Variants in IL17RA observed in about 807,000 individuals in gnomAD.
The protein encoded by IL17RA is interleukin 17 receptor A.
Under a neutral mutation model 50.4 loss-of-function variants are expected in IL17RA, and 34 were observed. That is an observed-to-expected ratio of 0.67 (90% confidence interval 0.51 to 0.90). The LOEUF is 0.90. Ranked by LOEUF, IL17RA falls within the 40% of genes least tolerant of loss-of-function variation. The pLI, the probability that IL17RA is intolerant of heterozygous loss-of-function variation, is 0.00. For synonymous variants in IL17RA, 585 were observed against 510.4 expected, an observed-to-expected ratio of 1.15 and a Z score of -1.97; for missense variants, 1,276 against 1,169.8, an observed-to-expected ratio of 1.09 and a Z score of -1.32.
Position 17,107,861 on chromosome 22 carries a change from T to A in IL17RA, c.1087+93T>A. The stretch of plus-strand genomic sequence containing the variant: ...CGTGGGTCGCCTCCTGTGCTCTAAC[T>A]CCCAAGTCCCTTCAGGAGACCCCAC... On this transcript the variant is annotated intron_variant, in intron 12 of 12. Coordinates refer to ENST00000319363, the MANE Select transcript of IL17RA (RefSeq NM_014339.7). 6 of 1,119,368 alleles carry A rather than the reference T, an allele frequency of 5.4e-6. No individual in the cohort carries two copies. In the South Asian group the frequency reaches 7.4e-5, roughly 14 times the overall value. The allele number at this position is 1,119,368 out of a possible 1,614,324, so 69.3% of individuals were successfully genotyped here.
rs1308169717 is a variant in IL17RA at position 17,111,615 on chromosome 22, T to C, written c.*1795T>C. ...AACACATTGAGGTGCCGTCTGACACTGGAATAGGGTGCCCTTCATTCCTAT... is the reference window on the plus strand; with the variant it reads ...AACACATTGAGGTGCCGTCTGACACCGGAATAGGGTGCCCTTCATTCCTAT... On this transcript the variant is annotated 3_prime_UTR_variant, in exon 13 of 13. Coordinates refer to ENST00000319363, the MANE Select transcript of IL17RA (RefSeq NM_014339.7). 6.6e-6 allele frequency: 1 copy of C among 152,182 alleles called. No homozygotes were observed. Among genetic ancestry groups the C allele is most frequent in the Non-Finnish European group, 1.5e-5 (1 of 68,020 alleles). 9.4% of individuals were successfully genotyped at this position (152,182 alleles called of 1,614,324 possible).
chr22:17,102,417 C>G (rs546133354), intron 7 of IL17RA, 115 bp downstream of exon 7: 4 of 1,124,970 alleles, frequency 3.6e-6, no homozygotes, highest in Non-Finnish European at 4.0e-6. Context: ...CGACTCAGGG[C>G]TGTGCTTAGT....
At chr22:17,100,685 C>T (rs1424431031) in intron 5 of IL17RA, among the ~76,000 whole-genome samples, 1 of 152,250 alleles carries the variant, frequency 6.6e-6, no homozygotes, top group Non-Finnish European at 1.5e-5. Context: ...AGGCCATTCT[C>T]TGTTGGCACA....
At position 17,111,095 on chromosome 22, in the gene IL17RA, C is replaced by T. The variant is rs1307430159; in HGVS notation, c.*1275C>T. On this transcript the variant is annotated 3_prime_UTR_variant, in exon 13 of 13. Transcript: ENST00000319363. ...ATCGGGGTGGGGGGTGGGGGGATGT[C>T]GCCAGAGCTCAGGGGTGGGGACAGC... The T allele has an allele frequency of 3.4e-5, 5 of 148,344 alleles. No homozygotes were observed. The highest frequency in any genetic ancestry group is 2.0e-4 in the East Asian group (1 of 4,998). 9.2% of individuals were successfully genotyped at this position (148,344 alleles called of 1,614,324 possible).
rs1424925225 is a variant in IL17RA at position 17,102,154 on chromosome 22, C to T, written c.614C>T (p.Pro205Leu). ...ACCTTGGCAGGCAGCCTGTGGGACCCCAACATCACCGTGGAGACCCTGGAG... is the reference window on the plus strand; with the variant it reads ...ACCTTGGCAGGCAGCCTGTGGGACCTCAACATCACCGTGGAGACCCTGGAG... ...PCMSSGSLWD[P>L]NITVETLEAH... Residue 205 changes from proline to leucine, a missense_variant, in exon 7 of 13, where the codon CCC (proline) becomes CTC (leucine). Coordinates refer to ENST00000319363, the MANE Select transcript of IL17RA (RefSeq NM_014339.7). 2.5e-6 allele frequency: 4 copies of T among 1,614,064 alleles called. No individual in the cohort carries two copies. Among genetic ancestry groups the T allele is most frequent in the African/African-American group, 2.7e-5 (2 of 74,928 alleles).
chr22:17,085,696 G>A (rs1416146594), intron 1 of IL17RA, among the ~76,000 whole-genome samples: 1 of 152,176 alleles, frequency 6.6e-6, no homozygotes, highest in African/African-American at 2.4e-5. Flanking sequence ...TCGGCCCTCG[G>A]GAGGCCCATC....
intron 1 of IL17RA, among the ~76,000 whole-genome samples, chr22:17,094,691 C>CTCTCTCTCTCTCTATATATA (rs1448096911): frequency 4.0e-5 from 1 of 24,698 alleles, no homozygotes; most frequent in Non-Finnish European, 6.7e-5. Context: ...CTCTCTCTCT[C>CTCTCTCTCTCTCTATATATA]TATATATATA....
At chr22:17,086,652 T>A (rs1417916233) in intron 1 of IL17RA, among the ~76,000 whole-genome samples, 1 of 152,170 alleles carries the variant, frequency 6.6e-6, no homozygotes, top group Non-Finnish European at 1.5e-5. Flanking sequence ...GGCTTGAAGT[T>A]AGGGAACTGT....
chr22:17,111,671 C>T lies in IL17RA; in HGVS notation c.*1851C>T, dbSNP rs1253193015. 1 of 152,116 alleles carries T rather than the reference C, an allele frequency of 6.6e-6. No individual in the cohort carries two copies. The highest frequency in any genetic ancestry group is 6.6e-5 in the Admixed American group (1 of 15,266). The allele number at this position is 152,116 out of a possible 1,614,324, so 9.4% of individuals were successfully genotyped here. ...AGTCCTTAACTATATTTCCAACCTC[C>T]AGTGAGGAGGAGAAGATTCGGAAAT... On this transcript the variant is annotated 3_prime_UTR_variant, in exon 13 of 13. Coordinates refer to ENST00000319363, the MANE Select transcript of IL17RA (RefSeq NM_014339.7).
intron 1 of IL17RA, among the ~76,000 whole-genome samples, chr22:17,096,642 A>G (rs1453536174): frequency 6.6e-6 from 1 of 152,118 alleles, no homozygotes; most frequent in African/African-American, 2.4e-5. Context: ...AGGCCGAGGC[A>G]GGCGGATCAC....
intron 1 of IL17RA, among the ~76,000 whole-genome samples, chr22:17,092,052 T>C (rs1373719282): frequency 6.6e-6 from 1 of 152,086 alleles, no homozygotes; most frequent in Non-Finnish European, 1.5e-5. Flanking sequence ...GGCTGGGACG[T>C]TTAGCCCCAC....
At position 17,109,681 on chromosome 22, in the gene IL17RA, C is replaced by G; in HGVS notation, c.2462C>G (p.Pro821Arg). 1 of 1,590,996 alleles carries G rather than the reference C, an allele frequency of 6.3e-7. No individual in the cohort carries two copies. Among genetic ancestry groups the G allele is most frequent in the Non-Finnish European group, 8.5e-7 (1 of 1,170,042 alleles). The stretch of plus-strand genomic sequence containing the variant: ...GAAGAGGAGGAAGAGGAGCAGGACC[C>G]AGGGAAGCCGGCCCTGCCACTCTCT... ...MEEEEEEEQDPGKPALPLSPE... is the reference protein window; with the variant it reads ...MEEEEEEEQDRGKPALPLSPE... Residue 821 changes from proline (P) to arginine (R), a missense_variant, in exon 13 of 13, where the codon CCA becomes CGA. Coordinates refer to ENST00000319363, the MANE Select transcript of IL17RA (RefSeq NM_014339.7).
At chr22:17,090,035 T>TTC (rs1305211108) in intron 1 of IL17RA, among the ~76,000 whole-genome samples, 2 of 152,220 alleles carry the variant, frequency 1.3e-5, no homozygotes, top group East Asian at 3.8e-4. Context: ...AATTTTTTTT[T>TTC]TCTTAGAGAC....
chr22:17,104,748 G>A lies in IL17RA; in HGVS notation c.869G>A (p.Cys290Tyr). 1 of 1,614,112 alleles carries A rather than the reference G, an allele frequency of 6.2e-7. No homozygotes were observed. Among genetic ancestry groups the A allele is most frequent in the Non-Finnish European group, 8.5e-7 (1 of 1,179,968 alleles). Residue 290 changes from cysteine to tyrosine, a missense_variant, in exon 9 of 13, where the codon TGC becomes TAC. Physicochemically the swap from Cys to Tyr is radical, Grantham distance 194. Transcript: ENST00000319363. ...CAGATCCAGCCCTTCTTCAGCAGCT[G>A]CCTCAATGACTGCCTCAGACACTCC... ...QVQIQPFFSS[C>Y]LNDCLRHSAT...
chr22:17,094,004 G>A (rs1358642531), intron 1 of IL17RA: 1 of 63,310 alleles, frequency 1.6e-5, no homozygotes, highest in African/African-American at 3.9e-5. Context: ...ATTTTATTTA[G>A]ACAGAGTCTC....
intron 4 of IL17RA, 144 bp from the exon 5 acceptor site, chr22:17,100,211 G>A: frequency 1.1e-6 from 1 of 937,314 alleles, no homozygotes; most frequent in Non-Finnish European, 1.7e-6. Context: ...TGATTTCCCT[G>A]ACCTTGGATT....
At position 17,108,904 on chromosome 22, in the gene IL17RA, C is replaced by A. The variant is rs12484684; in HGVS notation, c.1685C>A (p.Pro562Gln). ...TCGGGGGACAACTACCTGCGGAGCC[C>A]GGGCGGCAGGCAGCTCCGCGCCGCC... ...ELSGDNYLRS[P>Q]GGRQLRAALD... Residue 562 changes from proline to glutamine, a missense_variant, in exon 13 of 13, where the codon CCG becomes CAG. By Grantham distance (76) the Pro-to-Gln change is moderately conservative. Coordinates refer to ENST00000319363, the MANE Select transcript of IL17RA (RefSeq NM_014339.7). 45,842 of 1,611,170 alleles carry A rather than the reference C, an allele frequency of 0.028. 4,352 individuals carry two copies. The East Asian group carries it at 0.29, about 10-fold the overall frequency.
At chr22:17,094,674 T>TCCCTCTCTCC (rs2061360851) in intron 1 of IL17RA, among the ~76,000 whole-genome samples, 4 of 58,346 alleles carry the variant, frequency 6.9e-5, no homozygotes, top group Non-Finnish European at 1.4e-4. Context: ...TCTCTCTCTC[T>TCCCTCTCTCC]CTCTCTCTCT....
chr22:17,099,105 G>A (rs1601342056), intron 4 of IL17RA, among the ~76,000 whole-genome samples: 2 of 152,174 alleles, frequency 1.3e-5, no homozygotes, highest in Admixed American at 6.5e-5. Flanking sequence ...TTTTGAAAGC[G>A]TCCCTCACCT....
Sources: gnomAD v4.1 joint callset for allele counts (sites outside exome capture counted in the v4.1 genomes callset) on GRCh38, gnomAD v4.1.1 for gene constraint, MANE v1.5 for transcripts, NCBI Gene and HGNC (gene_info 2026-07-23, HGNC 2026-07-21) for gene names.